The following SMC1B variants were observed in gnomAD, a reference collection of about 807,000 sequenced individuals.
SMC1B encodes structural maintenance of chromosomes protein 1B.
A neutral mutation model predicts 157.9 loss-of-function variants in SMC1B; 60 were observed. That is an observed-to-expected ratio of 0.38 (90% CI 0.31 to 0.47). SMC1B has a LOEUF of 0.47. SMC1B is among the 20% of genes least tolerant of loss of function. SMC1B has a pLI of 0.99. For missense variants in SMC1B, 1,165 were observed against 1,426.2 expected (o/e 0.82, Z 2.95); for synonymous variants, 445 against 483.0 (o/e 0.92, Z 1.03).
chr22:45,379,698 T>C (rs1290575410), intron 12 of SMC1B, among the ~76,000 whole-genome samples: 1 of 151,342 alleles, frequency 6.6e-6, no homozygotes, highest in Non-Finnish European at 1.5e-5. Flanking sequence ...ATGTGTTGCT[T>C]AGAGTACTTT....
At chr22:45,399,617 A>G (rs2087168549) in intron 5 of SMC1B, among the ~76,000 whole-genome samples, 1 of 152,172 alleles carries the variant, frequency 6.6e-6, no homozygotes, top group Admixed American at 6.5e-5. Context: ...TTACAGCACC[A>G]AGGATGAACC....
intron 6 of SMC1B, among the ~76,000 whole-genome samples, chr22:45,397,097 A>G (rs2087133342): frequency 6.6e-6 from 1 of 151,508 alleles, no homozygotes; most frequent in African/African-American, 2.4e-5. Flanking sequence ...AATTATGACT[A>G]TATATACCAA....
chr22:45,408,783 A>C lies in SMC1B; in HGVS notation c.225T>G (p.Ser75=), dbSNP rs762092703. 1 of 1,594,112 alleles carries C rather than the reference A, an allele frequency of 6.3e-7. No individual in the cohort carries two copies. Among genetic ancestry groups the C allele is most frequent in the Non-Finnish European group, 8.5e-7 (1 of 1,173,184 alleles). ...ATATAATTTTTACACTTGCAGAAGA[A>C]GAAATAGGTTTTCCAATATGTGCTC... ...IHGAHIGKPI[S]SSASVKIIYV... The change falls in exon 2 of 25, where the codon TCT becomes TCG. Residue 75 remains serine, a synonymous_variant. Transcript: ENST00000357450.
At chr22:45,391,676 T>C (rs1431557445) in intron 9 of SMC1B, among the ~76,000 whole-genome samples, 1 of 152,226 alleles carries the variant, frequency 6.6e-6, no homozygotes, top group African/African-American at 2.4e-5. Context: ...TTTCCTATTC[T>C]GTTTACTTTC....
At position 45,354,122 on chromosome 22, in the gene SMC1B, G is replaced by A. The variant is rs753449081; in HGVS notation, c.3129C>T (p.Ala1043=). The A allele has an allele frequency of 7.7e-6, 12 of 1,561,862 alleles. No individual in the cohort carries two copies. The African/African-American group carries it at 1.4e-4, about 18-fold the overall frequency. Reference sequence around the variant, plus strand: ...TACACAGTCTGGCTTCCTTTCTGCTGGCCTCAAAAGCTAAGAGAGAATCAA... The same window carrying A: ...TACACAGTCTGGCTTCCTTTCTGCTAGCCTCAAAAGCTAAGAGAGAATCAA... The part of the protein sequence containing the change: ...KFQESTDAFE[A]SRKEARLCRQ... The change falls in exon 21 of 25, where the codon GCC becomes GCT. Residue 1043 remains alanine, a synonymous_variant. Transcript: ENST00000357450.
At position 45,371,466 on chromosome 22, in the gene SMC1B, A is replaced by G. The variant is rs1413820840; in HGVS notation, c.2313+5T>C. 1.3e-6 allele frequency: 2 copies of G among 1,587,484 alleles called. No individual in the cohort carries two copies. The highest frequency in any genetic ancestry group is 2.7e-5 in the African/African-American group (2 of 73,506). On this transcript the variant is annotated splice_donor_5th_base_variant and intron_variant, in intron 14 of 24. Transcript: ENST00000357450. ...CCATTTAGGAATAAATATAACATTC[A>G]TGACCTTATCTATCTTTTCTTGAAA...
At position 45,360,083 on chromosome 22, in the gene SMC1B, C is replaced by A; in HGVS notation, c.2709-125G>T. ...TTTATTCCTGTGAGTGCTGTAAGTT[C>A]TAGAATCCTCTCATTGATGCTTGTA... On this transcript the variant is annotated intron_variant, in intron 17 of 24. Transcript: ENST00000357450. The A allele has an allele frequency of 5.9e-6, 4 of 676,688 alleles. No individual in the cohort carries two copies. In the South Asian group the frequency reaches 8.4e-5, roughly 14 times the overall value. 41.9% of individuals were successfully genotyped at this position (676,688 alleles called of 1,614,324 possible).
At chr22:45,368,523 T>TG (rs2146789800) in intron 15 of SMC1B, among the ~76,000 whole-genome samples, 1 of 151,946 alleles carries the variant, frequency 6.6e-6, no homozygotes, top group African/African-American at 2.4e-5. Flanking sequence ...AATAGTTTTT[T>TG]TTTTTTTTTT....
At chr22:45,397,319 C>A (rs1035973250) in intron 6 of SMC1B, among the ~76,000 whole-genome samples, 7 of 151,998 alleles carry the variant, frequency 4.6e-5, no homozygotes, top group African/African-American at 1.7e-4. Context: ...GAGTTTGAGA[C>A]CAGCCTAGGC....
intron 1 of SMC1B, among the ~76,000 whole-genome samples, chr22:45,412,901 C>T (rs148291979): frequency 1.1e-4 from 16 of 152,314 alleles, no homozygotes; most frequent in Non-Finnish European, 2.1e-4. Flanking sequence ...ATTACCTCCT[C>T]GACAGCTCCC....
At chr22:45,349,071 G>A (rs1016532175) in intron 23 of SMC1B, among the ~76,000 whole-genome samples, 25 of 147,118 alleles carry the variant, frequency 1.7e-4, no homozygotes, top group African/African-American at 6.4e-4. Context: ...CTGGAGTGCA[G>A]TGGCACAAAC....
intron 12 of SMC1B, among the ~76,000 whole-genome samples, chr22:45,380,198 C>T (rs2086922646): frequency 1.3e-5 from 2 of 152,042 alleles, no homozygotes; most frequent in African/African-American, 2.4e-5. Context: ...CAGTCTGATA[C>T]GAGCCTTTTT....
chr22:45,381,334 T>C (rs958195039), intron 12 of SMC1B, among the ~76,000 whole-genome samples: 1 of 152,036 alleles, frequency 6.6e-6, no homozygotes, highest in African/African-American at 2.4e-5. Context: ...TGAGGGTCAG[T>C]AATTACAAGA....
intron 14 of SMC1B, among the ~76,000 whole-genome samples, chr22:45,370,529 T>G (rs991064458): frequency 6.6e-6 from 1 of 152,234 alleles, no homozygotes; most frequent in Non-Finnish European, 1.5e-5. Flanking sequence ...CTCAATGTTT[T>G]AAAGCTCTCA....
chr22:45,344,420 G>C lies in SMC1B; in HGVS notation c.*136C>G. ...AACTAAAGTGAGCCACAGCCTCTTT[G>C]GCTAGAACGACTAAGGTTTCTCTTA... On this transcript the variant is annotated 3_prime_UTR_variant, in exon 25 of 25. Coordinates refer to ENST00000357450, the MANE Select transcript of SMC1B (RefSeq NM_148674.5). 1 of 596,256 alleles carries C rather than the reference G, an allele frequency of 1.7e-6. No individual in the cohort carries two copies. Among genetic ancestry groups the C allele is most frequent in the Non-Finnish European group, 3.0e-6 (1 of 333,390 alleles). 36.9% of individuals were successfully genotyped at this position (596,256 alleles called of 1,614,324 possible). A position where few individuals can be genotyped will look rare whatever the true frequency, so the allele number is the denominator to read the frequency against.
At chr22:45,356,936 T>C (rs1317075857) in intron 19 of SMC1B, among the ~76,000 whole-genome samples, 1 of 152,080 alleles carries the variant, frequency 6.6e-6, no homozygotes, top group East Asian at 1.9e-4. Flanking sequence ...TTTCGTCATG[T>C]TGGCCAGGCT....
rs187335673 is a variant in SMC1B, at chr22:45,408,371, C to T, written c.298+339G>A. The stretch of plus-strand genomic sequence containing the variant: ...CAATCACCTGACCTCGTGATCCGCC[C>T]GCCTCGGCCTCCCAAAGTGCTGGGA... On this transcript the variant is annotated intron_variant, in intron 2 of 24. Transcript: ENST00000357450. Among the ~76,000 whole-genome samples the T allele has an allele frequency of 5.4e-4, 82 of 152,016 alleles. 2 individuals are homozygous for T. In the East Asian group the frequency reaches 0.013, roughly 25 times the overall value.
intron 24 of SMC1B, 48 bp from the exon 25 acceptor site, chr22:45,344,705 GTAT>G (rs2086533662): frequency 1.5e-6 from 2 of 1,334,630 alleles, no homozygotes; most frequent in East Asian, 2.3e-5. Flanking sequence ...TAGGGAAAAA[GTAT>G]TATTAAAGTA....
In SMC1B at chr22:45,353,507, T is replaced by C. The variant is rs1030961950; in HGVS notation, c.3273+471A>G. 8.5e-5 allele frequency among the ~76,000 whole-genome samples: 13 copies of C among 152,070 alleles called. No homozygotes were observed. In the East Asian group the frequency reaches 2.5e-3, roughly 29 times the overall value. ...GATACTGATAATGGAATGGGAGTGG[T>C]TATCATTAAAAGGGTCATATCTGAA... On this transcript the variant is annotated intron_variant, in intron 21 of 24. Coordinates refer to ENST00000357450, the MANE Select transcript of SMC1B (RefSeq NM_148674.5).
Sources: gnomAD v4.1 joint callset for allele counts (sites outside exome capture counted in the v4.1 genomes callset) on GRCh38, gnomAD v4.1.1 for gene constraint, MANE v1.5 for transcripts, NCBI Gene and HGNC (gene_info 2026-07-23, HGNC 2026-07-21) for gene names.